Variants in MAST4 observed in about 807,000 individuals in gnomAD.
MAST4 encodes microtubule-associated serine/threonine-protein kinase 4.
MAST4 carries 89 observed loss-of-function variants against 162.7 expected under a neutral mutation model. The ratio of observed to expected loss-of-function variants is 0.55; its 90% CI spans 0.46 to 0.65. MAST4 has a LOEUF of 0.65. MAST4 is among the 30% of genes least tolerant of loss of function. The probability of loss-of-function intolerance (pLI) is 0.00; values close to 1 mark genes in which losing one functional copy is unlikely to be tolerated. For missense variants in MAST4, 3,153 were observed against 3,374.0 expected, an observed-to-expected ratio of 0.93 and a Z score of 1.62; for synonymous variants, 1,479 against 1,361.1, an observed-to-expected ratio of 1.09 and a Z score of -1.91.
chr5:66,959,917 A>G (rs1037937957), intron 4 of MAST4, among the ~76,000 whole-genome samples: 10 of 152,074 alleles, frequency 6.6e-5, no homozygotes, highest in African/African-American at 2.2e-4. Context: ...ATGTAGCTAC[A>G]TGAACATGTC....
In MAST4 at chr5:66,736,867, A is replaced by G. The variant is rs6449834; in HGVS notation, c.364-22842A>G. On this transcript the variant is annotated intron_variant, in intron 1 of 28. Coordinates refer to ENST00000403625, the MANE Select transcript of MAST4 (RefSeq NM_001164664.2). ...TCTTGTACACTTACATATGATGAAT[A>G]GGAAAACCTAGGGTTAGGAACCAGA... Among the ~76,000 whole-genome samples, 907 of 152,346 alleles carry G rather than the reference A, an allele frequency of 6.0e-3. 10 individuals carry two copies. The highest frequency in any genetic ancestry group is 0.021 in the African/African-American group (866 of 41,576).
Position 67,121,011 on chromosome 5 carries a change from T to C in MAST4, c.1660-6T>C. On this transcript the variant is annotated splice_region_variant and splice_polypyrimidine_tract_variant and intron_variant, in intron 13 of 28. Coordinates refer to ENST00000403625, the MANE Select transcript of MAST4 (RefSeq NM_001164664.2). Reference sequence around the variant, plus strand: ...TACTTTTTAACTTCCATATTTTGTTTCCAAGAGCTCTAATGCCTCCCTGAA... The same window carrying C: ...TACTTTTTAACTTCCATATTTTGTTCCCAAGAGCTCTAATGCCTCCCTGAA... The C allele has an allele frequency of 6.2e-7, 1 of 1,601,856 alleles. No individual in the cohort carries two copies. Among genetic ancestry groups the C allele is most frequent in the South Asian group, 1.1e-5 (1 of 88,334 alleles).
Position 66,818,171 on chromosome 5 carries a change from T to C in MAST4, c.642+29377T>C, listed in dbSNP as rs187305325. On this transcript the variant is annotated intron_variant, in intron 3 of 28. Transcript: ENST00000403625. Reference sequence around the variant, plus strand: ...AATTAGATATGACTTTAGGGTGTTCTTGTATCTTCCAGATGTTCTACCATA... The same window carrying C: ...AATTAGATATGACTTTAGGGTGTTCCTGTATCTTCCAGATGTTCTACCATA... Among the ~76,000 whole-genome samples the C allele has an allele frequency of 1.6e-4, 24 of 152,330 alleles. 1 individual carries two copies. The highest frequency in any genetic ancestry group is 1.5e-3 in the Admixed American group (23 of 15,300).
chr5:66,625,029 A>G (rs538456664), intron 1 of MAST4, among the ~76,000 whole-genome samples: 3 of 146,518 alleles, frequency 2.0e-5, no homozygotes, highest in Non-Finnish European at 4.6e-5. Context: ...AATAATCAAA[A>G]TGAAGTGTTA....
chr5:66,779,395 T>G (rs1410553282), intron 2 of MAST4, among the ~76,000 whole-genome samples: 1 of 84,132 alleles, frequency 1.2e-5, no homozygotes, highest in Admixed American at 1.1e-4. Flanking sequence ...ACATAGCACT[T>G]TTTTTTTTTT....
In MAST4 at chr5:67,166,972, C is replaced by T. The variant is rs1233916529; in HGVS notation, c.7793C>T (p.Ser2598Phe). Reference sequence around the variant, plus strand: ...AACACTGACCGCCCCATCTCTCTTTCTAATGAGAAGGACTTTGTGGTACGG... The same window carrying T: ...AACACTGACCGCCCCATCTCTCTTTTTAATGAGAAGGACTTTGTGGTACGG... ...APNTDRPISL[S>F]NEKDFVVRQR... The change falls in exon 29 of 29, where the codon TCT becomes TTT. Residue 2598 changes from serine to phenylalanine, a missense_variant. This residue lies in a region of MAST4 where 1,644 missense variants were observed against 1,495.0 expected (regional missense o/e 1.10). Coordinates refer to ENST00000403625, the MANE Select transcript of MAST4 (RefSeq NM_001164664.2). The T allele has an allele frequency of 3.7e-6, 6 of 1,612,520 alleles. No homozygotes were observed. The Admixed American group carries it at 6.7e-5, about 18-fold the overall frequency.
intron 3 of MAST4, among the ~76,000 whole-genome samples, chr5:66,840,059 A>T (rs1255535066): frequency 6.6e-6 from 1 of 151,992 alleles, no homozygotes; most frequent in Admixed American, 6.6e-5. Flanking sequence ...TTGGCCTAGT[A>T]GTTTAGTATG....
In MAST4 at chr5:67,133,516, T is replaced by A. The variant is rs1487985614; in HGVS notation, c.2096T>A (p.Leu699Ter). The change falls in exon 17 of 29, where the codon TTG becomes TAG. Residue 699 changes from leucine (L) to a stop codon, truncating the protein, a stop_gained and splice_region_variant. Coordinates refer to ENST00000403625, the MANE Select transcript of MAST4 (RefSeq NM_001164664.2). LOFTEE classifies it high-confidence loss of function. ...TTACATGTCCGTCTGCCTCATAGCT[T>A]GTTGGTTACCTCCATGGGGCACATA... ...IVHRDLKPDN[L>*]LVTSMGHIKL... 6.2e-7 allele frequency: 1 copy of A among 1,612,730 alleles called. No individual in the cohort carries two copies. Among genetic ancestry groups the A allele is most frequent in the Non-Finnish European group, 8.5e-7 (1 of 1,179,072 alleles).
intron 1 of MAST4, among the ~76,000 whole-genome samples, chr5:66,619,266 A>T (rs889011140): frequency 6.6e-6 from 1 of 152,168 alleles, no homozygotes; most frequent in Non-Finnish European, 1.5e-5. Context: ...CTTGCTGGGT[A>T]CCAAATTATG....
intron 4 of MAST4, among the ~76,000 whole-genome samples, chr5:66,927,983 T>C (rs1765029577): frequency 6.6e-6 from 1 of 152,272 alleles, no homozygotes; most frequent in South Asian, 2.1e-4. Flanking sequence ...TTACATGACA[T>C]TTCTCTGGTC....
chr5:66,657,431 A>G (rs1381391910), intron 1 of MAST4, among the ~76,000 whole-genome samples: 1 of 152,194 alleles, frequency 6.6e-6, no homozygotes, highest in African/African-American at 2.4e-5. Flanking sequence ...CATGGAATAA[A>G]TTTATTTCTA....
intron 1 of MAST4, among the ~76,000 whole-genome samples, chr5:66,653,045 G>A (rs1379554957): frequency 6.6e-6 from 1 of 152,134 alleles, no homozygotes; most frequent in Non-Finnish European, 1.5e-5. Context: ...GGGCAGAGCT[G>A]TGCTAGATCC....
At chr5:66,757,800 A>G (rs1753632536) in intron 1 of MAST4, among the ~76,000 whole-genome samples, 1 of 152,186 alleles carries the variant, frequency 6.6e-6, no homozygotes, top group Non-Finnish European at 1.5e-5. Flanking sequence ...GTTTTTCTGA[A>G]AAGTTTCTAA....
intron 3 of MAST4, among the ~76,000 whole-genome samples, chr5:66,870,223 T>A (rs1760828449): frequency 6.6e-6 from 1 of 152,186 alleles, no homozygotes; most frequent in African/African-American, 2.4e-5. Flanking sequence ...AATGTGCATT[T>A]AGGGGCATAG....
chr5:66,903,484 G>T (rs1211603537), intron 4 of MAST4, among the ~76,000 whole-genome samples: 1 of 150,510 alleles, frequency 6.6e-6, no homozygotes, highest in Non-Finnish European at 1.5e-5. Context: ...GGTTAATTTT[G>T]TCTCATAATG....
At chr5:67,041,111 A>T (rs189372319) in intron 4 of MAST4, among the ~76,000 whole-genome samples, 123 of 152,318 alleles carry the variant, frequency 8.1e-4, no homozygotes, top group African/African-American at 2.8e-3. Context: ...CTCTCCATGA[A>T]GCTAATAAGA....
intron 1 of MAST4, among the ~76,000 whole-genome samples, chr5:66,736,510 G>A (rs1752165529): frequency 6.6e-6 from 1 of 152,140 alleles, no homozygotes; most frequent in Admixed American, 6.6e-5. Context: ...AAGAAAGGTA[G>A]CAACAATGAT....
intron 1 of MAST4, among the ~76,000 whole-genome samples, chr5:66,616,414 C>T (rs190484324): frequency 7.9e-5 from 12 of 152,162 alleles, no homozygotes; most frequent in Admixed American, 2.6e-4. Flanking sequence ...AGACGTCTGG[C>T]GTTCTAGCTG....
intron 4 of MAST4, among the ~76,000 whole-genome samples, chr5:66,991,363 T>C (rs1750051040): frequency 6.6e-6 from 1 of 152,234 alleles, no homozygotes; most frequent in African/African-American, 2.4e-5. Context: ...GCATAACCCC[T>C]GGGTCCCATG....
Sources: allele counts gnomAD v4.1 joint callset (sites outside exome capture counted in the v4.1 genomes callset), GRCh38; gene constraint gnomAD v4.1.1; regional missense constraint gnomAD v4.1.1; transcripts MANE v1.5; gene names NCBI Gene and HGNC (gene_info 2026-07-23, HGNC 2026-07-21).